The following KCNN2 variants were observed in gnomAD, a reference collection of about 807,000 sequenced individuals.
KCNN2 encodes small conductance calcium-activated potassium channel protein 2.
Under a neutral mutation model 55.5 loss-of-function variants are expected in KCNN2, and 24 were observed. The observed-to-expected ratio is 0.43, with a 90% CI of 0.31 to 0.61. The LOEUF is 0.61. KCNN2 is among the 20% of genes least tolerant of loss of function. The pLI is 0.08. For missense variants in KCNN2, 754 were observed against 853.6 expected (o/e 0.88, Z 1.45); for synonymous variants, 431 against 336.1 (o/e 1.28, Z -3.09).
chr5:114,366,060 T>C (rs1757590625), intron 2 of KCNN2, among the ~76,000 whole-genome samples: 3 of 152,152 alleles, frequency 2.0e-5, no homozygotes, highest in Admixed American at 1.3e-4. Context: ...TTTGAAAAAA[T>C]TGATGTCATA....
intron 3 of KCNN2, among the ~76,000 whole-genome samples, chr5:114,445,726 GTAAATGTA>G (rs1417564195): frequency 6.6e-6 from 1 of 152,128 alleles, no homozygotes; most frequent in Non-Finnish European, 1.5e-5. Flanking sequence ...AAATTATCTT[GTAAATGTA>G]TAAATTAAGC....
chr5:114,255,497 A>T (rs190103144), intron 2 of KCNN2, among the ~76,000 whole-genome samples: 108 of 152,338 alleles, frequency 7.1e-4, no homozygotes, highest in Middle Eastern at 3.4e-3. Flanking sequence ...GGTAGCGGTG[A>T]GAGAGAAACA....
intron 1 of KCNN2, among the ~76,000 whole-genome samples, chr5:114,068,252 T>C (rs192557959): frequency 6.6e-6 from 1 of 152,360 alleles, no homozygotes; most frequent in East Asian, 1.9e-4. Context: ...AACATAATTA[T>C]TAAATAAATT....
chr5:114,443,962 C>G (rs534386002), intron 3 of KCNN2, among the ~76,000 whole-genome samples: 1 of 152,298 alleles, frequency 6.6e-6, no homozygotes, highest in African/African-American at 2.4e-5. Context: ...ACTTTTCATT[C>G]TAAGCAGTGG....
At chr5:114,390,155 C>G (rs1758413329) in intron 2 of KCNN2, among the ~76,000 whole-genome samples, 1 of 152,094 alleles carries the variant, frequency 6.6e-6, no homozygotes, top group East Asian at 1.9e-4. Flanking sequence ...TATAATGCTT[C>G]AAATGAAAAT....
intron 2 of KCNN2, among the ~76,000 whole-genome samples, chr5:114,312,442 T>C (rs1190176366): frequency 0.017 from 517 of 30,570 alleles, no homozygotes; most frequent in Non-Finnish European, 0.026. Flanking sequence ...CACATATATA[T>C]ATATATATAT....
intron 2 of KCNN2, among the ~76,000 whole-genome samples, chr5:114,320,506 C>T (rs1756594623): frequency 6.6e-6 from 1 of 151,242 alleles, no homozygotes; most frequent in Admixed American, 6.6e-5. Flanking sequence ...CCTAGCTACT[C>T]GGGAGGCTGA....
chr5:114,296,770 A>G (rs1756019897), intron 2 of KCNN2, among the ~76,000 whole-genome samples: 1 of 152,260 alleles, frequency 6.6e-6, no homozygotes, highest in Middle Eastern at 3.2e-3. Flanking sequence ...AATGGAAAGA[A>G]TAAGTAAATA....
chr5:114,382,733 C>T (rs377276378), intron 2 of KCNN2, among the ~76,000 whole-genome samples: 4 of 152,160 alleles, frequency 2.6e-5, no homozygotes, highest in African/African-American at 9.7e-5. Flanking sequence ...AATAAACTTT[C>T]TACCAAAAAA....
exon 1 of KCNN2, chr5:114,056,138 G>A: frequency 2.6e-6 from 1 of 384,886 alleles, no homozygotes; most frequent in Non-Finnish European, 4.6e-6. Flanking sequence ...GGGCAGCCAG[G>A]TGGGAGCTGG....
intron 3 of KCNN2, among the ~76,000 whole-genome samples, chr5:114,414,780 G>A (rs1157782424): frequency 6.6e-6 from 1 of 152,134 alleles, no homozygotes; most frequent in African/African-American, 2.4e-5. Flanking sequence ...TGGTTACAGT[G>A]TAAAAAGACA....
chr5:114,151,589 A>C (rs1265547347), intron 1 of KCNN2, among the ~76,000 whole-genome samples: 2 of 152,198 alleles, frequency 1.3e-5, no homozygotes, highest in Admixed American at 6.5e-5. Context: ...TGTTTTGATC[A>C]ATCACATTGA....
intron 3 of KCNN2, among the ~76,000 whole-genome samples, chr5:114,444,898 T>G (rs189788873): frequency 6.6e-6 from 1 of 152,248 alleles, no homozygotes; most frequent in Non-Finnish European, 1.5e-5. Context: ...TGAAAAAATT[T>G]TTCTCCTTGC....
At chr5:114,237,813 A>G (rs1411930347) in intron 2 of KCNN2, among the ~76,000 whole-genome samples, 5 of 152,202 alleles carry the variant, frequency 3.3e-5, no homozygotes, top group Non-Finnish European at 1.5e-5. Context: ...TCTAACTCAT[A>G]TATAGCCTTC....
At chr5:114,112,667 T>A (rs561056996) in intron 1 of KCNN2, among the ~76,000 whole-genome samples, 279 of 142,034 alleles carry the variant, frequency 2.0e-3, no homozygotes, top group Non-Finnish European at 3.0e-3. Flanking sequence ...ATTTCAAGAT[T>A]GTATTTGTAT....
intron 1 of KCNN2, among the ~76,000 whole-genome samples, chr5:114,097,254 T>C (rs1751276748): frequency 6.6e-6 from 1 of 152,182 alleles, no homozygotes; most frequent in South Asian, 2.1e-4. Flanking sequence ...GTAATCATGG[T>C]TGGGGAGGTA....
At chr5:114,472,242 TTC>T (rs1761778415) in intron 4 of KCNN2, among the ~76,000 whole-genome samples, 1 of 63,754 alleles carries the variant, frequency 1.6e-5, no homozygotes, top group Non-Finnish European at 5.2e-5. Flanking sequence ...TTGCTCGTCT[TTC>T]AGCACAGAAG....
intron 2 of KCNN2, among the ~76,000 whole-genome samples, chr5:114,331,334 T>C (rs191801895): frequency 6.6e-6 from 1 of 152,304 alleles, no homozygotes; most frequent in Non-Finnish European, 1.5e-5. Context: ...GTTGCTGCTC[T>C]ATGAAAGTTC....
At position 114,263,513 on chromosome 5, in the gene KCNN2, C is replaced by T. The variant is rs557302411; in HGVS notation, c.-185+41948C>T. Among the ~76,000 whole-genome samples the T allele has an allele frequency of 1.4e-4, 21 of 151,318 alleles. No homozygotes were observed. In the South Asian group the frequency reaches 4.4e-3, roughly 32 times the overall value. On this transcript the variant is annotated intron_variant, in intron 2 of 10. Transcript: ENST00000512097. ...TGAAGAGCTCTCTCTCCTTGCCACC[C>T]TATGGATCGGATTGCCCCCTTCAGC...
Sources: allele counts gnomAD v4.1 joint callset (sites outside exome capture counted in the v4.1 genomes callset), GRCh38; gene constraint gnomAD v4.1.1; transcripts MANE v1.5; gene names NCBI Gene and HGNC (gene_info 2026-07-23, HGNC 2026-07-21).